The following ASAH2 variants were observed in gnomAD, a reference collection of about 807,000 sequenced individuals.
ASAH2 encodes the protein N-acylsphingosine amidohydrolase 2.
ASAH2 carries 58 observed loss-of-function variants against 82.9 expected under a neutral mutation model. The observed-to-expected ratio is 0.70, with a 90% CI of 0.57 to 0.87. The LOEUF (loss-of-function observed/expected upper bound fraction) is 0.87. Among genes scored for constraint, ASAH2 ranks in the 40% least tolerant of loss-of-function variants. ASAH2 has a pLI of 0.00. For missense variants in ASAH2, 779 were observed against 834.0 expected, an observed-to-expected ratio of 0.93 and a Z score of 0.81; for synonymous variants, 276 against 289.7, an observed-to-expected ratio of 0.95 and a Z score of 0.48.
intron 12 of ASAH2, 55 bp downstream of exon 12, chr10:50,210,768 A>G (rs1845431539): frequency 1.5e-6 from 2 of 1,360,304 alleles, no homozygotes; most frequent in Non-Finnish European, 2.1e-6. Flanking sequence ...ATCAGAGAAC[A>G]GAACCCAGAA....
chr10:50,203,717 T>C, intron 14 of ASAH2, 38 bp from the exon 15 acceptor site: 2 of 1,593,686 alleles, frequency 1.3e-6, no homozygotes, highest in South Asian at 1.1e-5. Flanking sequence ...GTTTTCCTAC[T>C]AGACGTATGC....
At chr10:50,212,322 A>G (rs1845478677) in intron 10 of ASAH2, among the ~76,000 whole-genome samples, 1 of 152,096 alleles carries the variant, frequency 6.6e-6, no homozygotes, top group South Asian at 2.1e-4. Flanking sequence ...GTCTCCATAG[A>G]AGCTGAAACA....
chr10:50,196,882 G>A lies in ASAH2; in HGVS notation c.1895C>T (p.Pro632Leu), dbSNP rs1845000166. 1 of 1,611,466 alleles carries A rather than the reference G, an allele frequency of 6.2e-7. No individual in the cohort carries two copies. The change falls in exon 18 of 21, where the codon CCC (proline) becomes CTC (leucine). Residue 632 changes from proline (P) to leucine (L), a missense_variant. Transcript: ENST00000682911. Reference protein sequence around the residue: ...VANLSRGPEPPFFKQLIVPLI... With the variant: ...VANLSRGPEPLFFKQLIVPLI... Reference sequence around the variant, plus strand: ...TGGAACTATTAATTGTTTGAAAAAGGGAGGTTCTGGACCTCTGCTCAGGTT... The same window carrying A: ...TGGAACTATTAATTGTTTGAAAAAGAGAGGTTCTGGACCTCTGCTCAGGTT...
rs1451999800 is a variant in ASAH2 at position 50,248,585 on chromosome 10, A to T, written c.26T>A (p.Leu9Ter). 5.0e-6 allele frequency: 8 copies of T among 1,613,648 alleles called. No homozygotes were observed. The highest frequency in any genetic ancestry group is 4.0e-5 in the African/African-American group (3 of 74,926). The change falls in exon 2 of 21, where the codon TTG becomes TAG. Residue 9 changes from leucine (L) to a stop codon, truncating the protein, a stop_gained. Transcript: ENST00000682911. LOFTEE classifies it high-confidence loss of function. MAKRTFSN[L>*]ETFLIFLLVM... ...AAGGAGGAAAATCAGGAATGTCTCC[A>T]AGTTAGAGAAGGTGCGTTTGGCCAT...
At chr10:50,247,231 C>A (rs1175383801) in intron 2 of ASAH2, among the ~76,000 whole-genome samples, 1 of 151,902 alleles carries the variant, frequency 6.6e-6, no homozygotes, top group Non-Finnish European at 1.5e-5. Context: ...CAGCTCACTG[C>A]AACCTCTGAC....
chr10:50,233,321 G>T lies in ASAH2; in HGVS notation c.816-60C>A, dbSNP rs969852613. 1.1e-4 allele frequency: 138 copies of T among 1,247,840 alleles called. 1 individual carries two copies. Among genetic ancestry groups the T allele is most frequent in the Non-Finnish European group, 1.5e-4 (131 of 847,126 alleles). The allele number at this position is 1,247,840 out of a possible 1,614,324, so 77.3% of individuals were successfully genotyped here. A position where few individuals can be genotyped will look rare whatever the true frequency, so the allele number is the denominator to read the frequency against. The stretch of plus-strand genomic sequence containing the variant: ...GTGTTAGAGCCTAACCCTCATGTAA[G>T]ATGAACAGTAGCAGCTGACACAAAA... On this transcript the variant is annotated intron_variant, in intron 6 of 20. Transcript: ENST00000682911.
chr10:50,248,354 C>T (rs758080831), intron 2 of ASAH2, 130 bp downstream of exon 2: 34 of 1,129,480 alleles, frequency 3.0e-5, no homozygotes, highest in Middle Eastern at 2.2e-4. Context: ...CAAAGGGAGA[C>T]GGCTATTCCA....
intron 18 of ASAH2, among the ~76,000 whole-genome samples, chr10:50,194,006 TA>T (rs1244249251): frequency 1.3e-5 from 2 of 151,272 alleles, no homozygotes; most frequent in African/African-American, 4.9e-5. Context: ...ATATAACAAG[TA>T]AAGAAATTGA....
intron 8 of ASAH2, 23 bp downstream of exon 8, chr10:50,218,487 C>A (rs1372754793): frequency 6.2e-7 from 1 of 1,613,522 alleles, no homozygotes; most frequent in Non-Finnish European, 8.5e-7. Flanking sequence ...CAAGATGAAG[C>A]TTTCAATGAT....
intron 2 of ASAH2, 90 bp from the exon 3 acceptor site, chr10:50,245,544 T>C (rs1053657357): frequency 8.0e-6 from 9 of 1,130,104 alleles, no homozygotes; most frequent in Non-Finnish European, 1.1e-5. Context: ...CTCAGGTTCA[T>C]AAGGAAAACT....
intron 12 of ASAH2, among the ~76,000 whole-genome samples, chr10:50,208,300 G>T (rs1292982846): frequency 6.6e-6 from 1 of 151,834 alleles, no homozygotes; most frequent in Non-Finnish European, 1.5e-5. Context: ...AAGGTTCTAG[G>T]CAGGCAATTA....
Position 50,202,846 on chromosome 10 carries a change from T to G in ASAH2, c.1744A>C (p.Thr582Pro). The change falls in exon 16 of 21, where the codon ACT becomes CCT. Residue 582 changes from threonine (T) to proline (P), a missense_variant. Transcript: ENST00000682911. ...LCNVYTHYITTYEEYQAQRYE... is the reference protein window; with the variant it reads ...LCNVYTHYITPYEEYQAQRYE... ...TGCTTTACCTGGTATTCTTCATAAG[T>G]GGTAATGTAATGTGTATAGACGTTG... is the stretch of plus-strand genomic sequence containing the variant. 6.2e-7 allele frequency: 1 copy of G among 1,608,852 alleles called. No individual in the cohort carries two copies. The highest frequency in any genetic ancestry group is 8.5e-7 in the Non-Finnish European group (1 of 1,175,638).
intron 2 of ASAH2, 41 bp from the exon 3 acceptor site, chr10:50,245,495 C>T (rs988835035): frequency 5.2e-6 from 8 of 1,546,618 alleles, no homozygotes; most frequent in African/African-American, 1.4e-5. Context: ...CATTTCAGCC[C>T]TCTTATTTGT....
At chr10:50,233,117 C>T (rs1261409038) in intron 7 of ASAH2, 67 bp downstream of exon 7, 15 of 1,186,904 alleles carry the variant, frequency 1.3e-5, no homozygotes, top group Non-Finnish European at 1.8e-5. Context: ...ATTCTAGTCT[C>T]TTTTCCCTTC....
rs972654582 is a variant in ASAH2 at position 50,233,161 on chromosome 10, T to A, written c.893+23A>T. ...TAAGAAAAGCTACCCGACAGAATTA[T>A]TTTTAAAAAGGAAATACAGTACCTG... On this transcript the variant is annotated intron_variant, in intron 7 of 20. Coordinates refer to ENST00000682911, the MANE Select transcript of ASAH2 (RefSeq NM_019893.4). The A allele has an allele frequency of 4.5e-6, 7 of 1,548,984 alleles. No individual in the cohort carries two copies. The African/African-American group carries it at 9.5e-5, about 21-fold the overall frequency.
chr10:50,221,125 A>G (rs34084092), intron 7 of ASAH2, among the ~76,000 whole-genome samples: 26,216 of 152,170 alleles, frequency 0.17, 2,715 homozygotes, highest in East Asian at 0.33. Context: ...AGATATTCTA[A>G]GAGTCATCCC....
intron 12 of ASAH2, among the ~76,000 whole-genome samples, 178 bp from the exon 13 acceptor site, chr10:50,206,275 A>G (rs182404237): frequency 0.032 from 4,788 of 151,958 alleles, 138 homozygotes; most frequent in Middle Eastern, 0.14. Context: ...TGTGCATCCT[A>G]AGACATGAGC....
intron 7 of ASAH2, among the ~76,000 whole-genome samples, chr10:50,227,754 C>T (rs1300098046): frequency 1.3e-5 from 2 of 152,006 alleles, no homozygotes; most frequent in Non-Finnish European, 2.9e-5. Context: ...GGTTTCTAAA[C>T]TTGGGACAAT....
Position 50,210,862 on chromosome 10 carries a change from C to T in ASAH2, c.1375G>A (p.Gly459Ser), listed in dbSNP as rs1845436070. ...AGGCCTCCAACTCCATCAATAGTGC[C>T]AGCTGCAAAACTGTAGCCCAATGCT... ...KPALGYSFAA[G>S]TIDGVGGLNF... Residue 459 changes from glycine to serine, a missense_variant, in exon 12 of 21, where the codon GGC becomes AGC. By Grantham distance (56) the Gly-to-Ser change is moderately conservative. This residue lies in a region of ASAH2 where 759 missense variants were observed against 755.2 expected (regional missense o/e 1.00). Transcript: ENST00000682911. The T allele has an allele frequency of 1.2e-6, 2 of 1,613,686 alleles. No individual in the cohort carries two copies. Among genetic ancestry groups the T allele is most frequent in the Admixed American group, 3.3e-5 (2 of 59,982 alleles).
Sources: allele counts gnomAD v4.1 joint callset (sites outside exome capture counted in the v4.1 genomes callset), GRCh38; gene constraint gnomAD v4.1.1; regional missense constraint gnomAD v4.1.1; transcripts MANE v1.5; gene names NCBI Gene and HGNC (gene_info 2026-07-23, HGNC 2026-07-21).